Variants in GABBR2 observed in about 807,000 individuals in gnomAD.
GABBR2 encodes gamma-aminobutyric acid type B receptor subunit 2.
In GABBR2, 23 loss-of-function variants were observed where a neutral mutation model predicts 105.6. That is an observed-to-expected ratio of 0.22 (90% confidence interval 0.16 to 0.31). GABBR2 has a LOEUF of 0.31. GABBR2 is among the 10% of genes least tolerant of loss of function. GABBR2 has a pLI of 1.00. For synonymous variants in GABBR2, 478 were observed against 499.7 expected (o/e 0.96, Z 0.58); for missense variants, 734 against 1,245.5 (o/e 0.59, Z 6.18).
At chr9:98,356,574 G>A (rs1831487396) in intron 13 of GABBR2, among the ~76,000 whole-genome samples, 1 of 152,188 alleles carries the variant, frequency 6.6e-6, no homozygotes. Flanking sequence ...TTTGCAAAAC[G>A]GTATAGTCAC....
chr9:98,463,310 C>A (rs1393819499), intron 6 of GABBR2, among the ~76,000 whole-genome samples: 1 of 152,176 alleles, frequency 6.6e-6, no homozygotes, highest in East Asian at 1.9e-4. Flanking sequence ...ATTAAGATGT[C>A]AGTTTTCCCT....
At chr9:98,405,489 C>T (rs1439776643) in intron 8 of GABBR2, among the ~76,000 whole-genome samples, 1 of 152,156 alleles carries the variant, frequency 6.6e-6, no homozygotes. Flanking sequence ...CTAACTTAAT[C>T]CCCACCACTC....
chr9:98,429,119 T>G (rs911341757), intron 7 of GABBR2, among the ~76,000 whole-genome samples: 4 of 144,828 alleles, frequency 2.8e-5, no homozygotes, highest in African/African-American at 7.9e-5. Context: ...ACCCAGGTTT[T>G]TGGTGTGTGT....
At chr9:98,362,940 C>A in intron 12 of GABBR2, 103 bp from the exon 13 acceptor site, 2 of 1,019,746 alleles carry the variant, frequency 2.0e-6, no homozygotes, top group Non-Finnish European at 1.4e-6. Flanking sequence ...ATGAACCCCC[C>A]AGCCGGAGAG....
intron 1 of GABBR2, among the ~76,000 whole-genome samples, chr9:98,699,791 C>T (rs1311051162): frequency 6.6e-6 from 1 of 152,168 alleles, no homozygotes; most frequent in African/African-American, 2.4e-5. Context: ...AGCCTGGCTC[C>T]TCTGTGCATC....
intron 8 of GABBR2, among the ~76,000 whole-genome samples, chr9:98,398,508 C>T (rs112017689): frequency 0.018 from 2,693 of 152,220 alleles, 37 homozygotes; most frequent in African/African-American, 0.032. Flanking sequence ...AATGATGCTG[C>T]AATTGCTTGG....
intron 13 of GABBR2, among the ~76,000 whole-genome samples, chr9:98,314,185 G>A (rs972690159): frequency 6.6e-6 from 1 of 152,150 alleles, no homozygotes; most frequent in Non-Finnish European, 1.5e-5. Context: ...AGTGGCCAGG[G>A]GTAGAGATTT....
At chr9:98,327,953 C>T (rs1158196965) in intron 13 of GABBR2, among the ~76,000 whole-genome samples, 2 of 150,478 alleles carry the variant, frequency 1.3e-5, no homozygotes, top group Non-Finnish European at 3.0e-5. Flanking sequence ...TTCCAAGAAG[C>T]AGATATGTAG....
intron 11 of GABBR2, 142 bp downstream of exon 11, chr9:98,385,498 G>C: frequency 1.5e-6 from 1 of 675,136 alleles, no homozygotes. Flanking sequence ...CTTCCCTGTT[G>C]AGTTGAAAAC....
intron 13 of GABBR2, among the ~76,000 whole-genome samples, chr9:98,360,096 G>A (rs115954829): frequency 1.0e-3 from 154 of 152,242 alleles, no homozygotes; most frequent in African/African-American, 3.6e-3. Context: ...CACACAGGGT[G>A]TCTGAAGTAG....
intron 3 of GABBR2, among the ~76,000 whole-genome samples, chr9:98,523,155 A>G (rs1231685991): frequency 6.6e-6 from 1 of 152,240 alleles, no homozygotes; most frequent in African/African-American, 2.4e-5. Context: ...CAACCAAAAC[A>G]AGAGTAAAAA....
chr9:98,373,606 TA>T (rs912535113), intron 11 of GABBR2, among the ~76,000 whole-genome samples: 3 of 152,178 alleles, frequency 2.0e-5, no homozygotes, highest in African/African-American at 7.2e-5. Flanking sequence ...GACCAACCTG[TA>T]ACACCCTCCA....
At chr9:98,687,312 C>T (rs752533920) in intron 1 of GABBR2, among the ~76,000 whole-genome samples, 4 of 151,764 alleles carry the variant, frequency 2.6e-5, no homozygotes, top group South Asian at 2.1e-4. Context: ...CTGAACCAAC[C>T]GGACAGGATT....
chr9:98,645,927 G>A (rs1307418328), intron 1 of GABBR2, among the ~76,000 whole-genome samples: 3 of 152,160 alleles, frequency 2.0e-5, no homozygotes, highest in Admixed American at 6.5e-5. Context: ...TTTTGTAGAT[G>A]AAGAAATGGA....
In GABBR2 at chr9:98,316,212, C is replaced by T. The variant is rs189994894; in HGVS notation, c.1894-5007G>A. Reference sequence around the variant, plus strand: ...TGTTGCCCAGGCTGGAGTGCAATGGCGCAATCTCAGCTCACTGCAACCTCT... The same window carrying T: ...TGTTGCCCAGGCTGGAGTGCAATGGTGCAATCTCAGCTCACTGCAACCTCT... On this transcript the variant is annotated intron_variant, in intron 13 of 18. Coordinates refer to ENST00000259455, the MANE Select transcript of GABBR2 (RefSeq NM_005458.8). Among the ~76,000 whole-genome samples the T allele has an allele frequency of 6.8e-3, 1,024 of 151,540 alleles. 8 individuals carry two copies. Among genetic ancestry groups the T allele is most frequent in the Non-Finnish European group, 0.011 (730 of 67,950 alleles).
At chr9:98,539,891 G>A (rs1351085544) in intron 3 of GABBR2, among the ~76,000 whole-genome samples, 3 of 148,610 alleles carry the variant, frequency 2.0e-5, no homozygotes, top group Admixed American at 1.3e-4. Context: ...ACTCCAGCCT[G>A]GTGACAGAGT....
chr9:98,341,557 C>T (rs916030233), intron 13 of GABBR2, among the ~76,000 whole-genome samples: 5 of 152,194 alleles, frequency 3.3e-5, no homozygotes, highest in African/African-American at 9.7e-5. Context: ...TGCGGCTGAG[C>T]GTTGAATTTG....
chr9:98,331,240 A>G (rs954958249), intron 13 of GABBR2, among the ~76,000 whole-genome samples: 1 of 151,904 alleles, frequency 6.6e-6, no homozygotes, highest in Non-Finnish European at 1.5e-5. Flanking sequence ...AGATGTTTTC[A>G]TTTTCCTTGT....
intron 13 of GABBR2, among the ~76,000 whole-genome samples, chr9:98,339,773 C>T (rs1831177584): frequency 6.6e-6 from 1 of 152,194 alleles, no homozygotes; most frequent in Non-Finnish European, 1.5e-5. Flanking sequence ...GAATGAAACA[C>T]AACCCTCCCT....
Sources: allele counts gnomAD v4.1 joint callset (sites outside exome capture counted in the v4.1 genomes callset), GRCh38; gene constraint gnomAD v4.1.1; transcripts MANE v1.5; gene names NCBI Gene and HGNC (gene_info 2026-07-23, HGNC 2026-07-21).